MECOM: variants seen among roughly 807,000 people sequenced by gnomAD.
The protein encoded by MECOM is histone-lysine N-methyltransferase MECOM.
MECOM carries 13 observed loss-of-function variants against 116.3 expected under a neutral mutation model. The observed-to-expected ratio is 0.11, with a 90% CI of 0.07 to 0.18. The LOEUF is 0.18. Among genes scored for constraint, MECOM ranks in the 10% least tolerant of loss-of-function variants. The pLI, the probability that MECOM is intolerant of heterozygous loss-of-function variation, is 1.00. For missense variants in MECOM, 1,299 were observed against 1,509.0 expected (o/e 0.86, Z 2.31); for synonymous variants, 528 against 535.2 (o/e 0.99, Z 0.19).
chr3:169,163,002 C>A (rs768731447), intron 2 of MECOM, among the ~76,000 whole-genome samples: 11 of 151,872 alleles, frequency 7.2e-5, no homozygotes, highest in South Asian at 4.2e-4. Context: ...GACTTTATAT[C>A]TACATTATAT....
intron 1 of MECOM, among the ~76,000 whole-genome samples, chr3:169,534,245 T>G (rs1271326273): frequency 6.6e-6 from 1 of 152,246 alleles, no homozygotes; most frequent in Non-Finnish European, 1.5e-5. Flanking sequence ...GAAAAATACT[T>G]AACATCCCCT....
chr3:169,212,644 A>G (rs1265758263), intron 2 of MECOM, among the ~76,000 whole-genome samples: 1 of 25,026 alleles, frequency 4.0e-5, no homozygotes, highest in African/African-American at 1.9e-4. Flanking sequence ...ATGTATATAT[A>G]TATATATATA....
chr3:169,562,172 G>GAAAGAAAA (rs1762731592), intron 1 of MECOM, among the ~76,000 whole-genome samples: 1 of 86,958 alleles, frequency 1.1e-5, no homozygotes, highest in South Asian at 3.7e-4. Context: ...AGGAAAGAAA[G>GAAAGAAAA]AAAGAAAAAA....
intron 2 of MECOM, among the ~76,000 whole-genome samples, chr3:169,167,167 G>T (rs763923674): frequency 6.6e-6 from 1 of 152,094 alleles, no homozygotes; most frequent in Non-Finnish European, 1.5e-5. Flanking sequence ...TTGTAGAGAC[G>T]GGGTCTCACC....
intron 1 of MECOM, among the ~76,000 whole-genome samples, chr3:169,536,453 CAGCAGACCCTGAATAGTACA>C (rs1759371551): frequency 6.9e-6 from 1 of 144,664 alleles, no homozygotes; most frequent in African/African-American, 2.6e-5. Context: ...GACGTTAATT[CAGCAGACCCTGAATAGTACA>C]AGCAGACCCT....
intron 1 of MECOM, among the ~76,000 whole-genome samples, chr3:169,395,435 T>G (rs865896324): frequency 2.6e-5 from 4 of 152,126 alleles, no homozygotes; most frequent in Non-Finnish European, 5.9e-5. Context: ...TGCTTAAAGG[T>G]ACGGTAAAAA....
intron 1 of MECOM, among the ~76,000 whole-genome samples, chr3:169,436,782 C>G (rs1430172591): frequency 3.3e-5 from 5 of 151,886 alleles, no homozygotes; most frequent in Non-Finnish European, 7.4e-5. Context: ...TATTGAAAAA[C>G]AAATATGACT....
intron 1 of MECOM, among the ~76,000 whole-genome samples, chr3:169,590,374 C>T (rs1482802003): frequency 6.6e-6 from 1 of 152,106 alleles, no homozygotes; most frequent in African/African-American, 2.4e-5. Context: ...TTTGCTCTAC[C>T]TTAGAATCAG....
intron 2 of MECOM, among the ~76,000 whole-genome samples, chr3:169,231,771 C>T (rs1447526069): frequency 1.4e-5 from 2 of 144,866 alleles, no homozygotes; most frequent in South Asian, 4.4e-4. Flanking sequence ...GGTCCCATGA[C>T]CAGAAAAAAA....
chr3:169,121,000 T>C (rs574378964), intron 7 of MECOM, 56 bp downstream of exon 7: 3 of 1,540,300 alleles, frequency 1.9e-6, no homozygotes, highest in Middle Eastern at 1.9e-4. Context: ...CTGGTCACAG[T>C]GCCTTTTGGG....
chr3:169,149,610 G>T, intron 2 of MECOM: 1 of 441,296 alleles, frequency 2.3e-6, no homozygotes. Context: ...GCCGTTCCGC[G>T]TCCTTCCGAG....
chr3:169,533,591 T>TTTTTTAC lies in MECOM; in HGVS notation c.37+129744_37+129745insGTAAAAA, dbSNP rs55667588. Among the ~76,000 whole-genome samples the TTTTTTAC allele has an allele frequency of 3.0e-4, 40 of 132,242 alleles. 1 individual carries two copies. Among genetic ancestry groups the TTTTTTAC allele is most frequent in the African/African-American group, 1.0e-3 (36 of 34,400 alleles). 86.8% of individuals were successfully genotyped at this position (132,242 alleles called of 152,430 possible). A position where few individuals can be genotyped will look rare whatever the true frequency, so the allele number is the denominator to read the frequency against. On this transcript the variant is annotated intron_variant, in intron 1 of 16. Coordinates refer to ENST00000651503, the MANE Select transcript of MECOM (RefSeq NM_004991.4). ...CCCAGTGCTGATTTTTTTTTTTTTT[T>TTTTTTAC]ATTTCCTTATGTCGTTGGGGGCCTG...
intron 1 of MECOM, among the ~76,000 whole-genome samples, chr3:169,463,041 C>G (rs1254335428): frequency 6.6e-6 from 1 of 152,162 alleles, no homozygotes; most frequent in Non-Finnish European, 1.5e-5. Context: ...AGCATTTAAG[C>G]TAATGAAGCA....
At chr3:169,517,697 G>C (rs774805580) in intron 1 of MECOM, among the ~76,000 whole-genome samples, 2 of 152,168 alleles carry the variant, frequency 1.3e-5, no homozygotes, top group Non-Finnish European at 2.9e-5. Flanking sequence ...ATTGATGGCA[G>C]CTATGTTTCT....
intron 1 of MECOM, among the ~76,000 whole-genome samples, chr3:169,465,533 T>G (rs1156590187): frequency 6.6e-6 from 1 of 152,218 alleles, no homozygotes; most frequent in Non-Finnish European, 1.5e-5. Context: ...TTTGCTTGTC[T>G]TAGATTATCA....
chr3:169,526,512 C>G lies in MECOM; in HGVS notation c.37+136824G>C, dbSNP rs145299165. Among the ~76,000 whole-genome samples the G allele has an allele frequency of 5.5e-3, 830 of 152,272 alleles. 2 individuals are homozygous for G. Among genetic ancestry groups the G allele is most frequent in the Non-Finnish European group, 9.2e-3 (628 of 68,024 alleles). Reference sequence around the variant, plus strand: ...GTCCAATAAATGAGGATCAAAATTTCAAGTGCTTAAGTCCATAAAATTCCC... The same window carrying G: ...GTCCAATAAATGAGGATCAAAATTTGAAGTGCTTAAGTCCATAAAATTCCC... On this transcript the variant is annotated intron_variant, in intron 1 of 16. Coordinates refer to ENST00000651503, the MANE Select transcript of MECOM (RefSeq NM_004991.4).
chr3:169,473,675 A>G (rs1479263814), intron 1 of MECOM, among the ~76,000 whole-genome samples: 1 of 152,132 alleles, frequency 6.6e-6, no homozygotes, highest in African/African-American at 2.4e-5. Flanking sequence ...AGGCTGAGGT[A>G]GGAGAATCAC....
intron 1 of MECOM, among the ~76,000 whole-genome samples, chr3:169,625,740 AC>A (rs1265072741): frequency 6.6e-6 from 1 of 152,208 alleles, no homozygotes; most frequent in Admixed American, 6.5e-5. Context: ...GGAAGGATAC[AC>A]TCAGGTGATC....
chr3:169,368,434 TTTTA>T (rs1729540278), intron 2 of MECOM, among the ~76,000 whole-genome samples: 1 of 152,022 alleles, frequency 6.6e-6, no homozygotes, highest in Non-Finnish European at 1.5e-5. Context: ...TAATAAAAAT[TTTTA>T]TTTATCATTC....
Sources: allele counts gnomAD v4.1 joint callset (sites outside exome capture counted in the v4.1 genomes callset), GRCh38; gene constraint gnomAD v4.1.1; transcripts MANE v1.5; gene names NCBI Gene and HGNC (gene_info 2026-07-23, HGNC 2026-07-21).